The following RABGAP1 variants were observed in gnomAD, a reference collection of about 807,000 sequenced individuals.
RABGAP1 encodes the protein RAB GTPase activating protein 1.
A neutral mutation model predicts 137.6 loss-of-function variants in RABGAP1; 23 were observed. The ratio of observed to expected loss-of-function variants is 0.17; its 90% confidence interval spans 0.12 to 0.24. The LOEUF (loss-of-function observed/expected upper bound fraction) is 0.24. Among genes scored for constraint, RABGAP1 ranks in the 10% least tolerant of loss-of-function variants. The probability of loss-of-function intolerance (pLI) is 1.00; values close to 1 mark genes in which losing one functional copy is unlikely to be tolerated. For synonymous variants in RABGAP1, 451 were observed against 450.7 expected (o/e 1.00, Z -0.01); for missense variants, 906 against 1,275.8 (o/e 0.71, Z 4.42).
At chr9:122,936,968 G>A (rs74974056), upstream of RABGAP1, among the ~76,000 whole-genome samples, 789 of 152,166 alleles carry the variant, frequency 5.2e-3, 4 homozygotes, top group African/African-American at 0.018. Context: ...GCAAACATGG[G>A]GGCAGGAGAA....
chr9:122,955,025 G>A (rs962131485), intron 1 of RABGAP1, among the ~76,000 whole-genome samples: 14 of 152,172 alleles, frequency 9.2e-5, no homozygotes, highest in African/African-American at 3.1e-4. Context: ...ACAGTTCTTT[G>A]GATTCTGGGG....
In RABGAP1 at chr9:122,990,126, C is replaced by T; in HGVS notation, c.836C>T (p.Thr279Ile). Reference protein sequence around the residue: ...RSAKQTPLSATAAPQTPDSDI... With the variant: ...RSAKQTPLSAIAAPQTPDSDI... ...GCCAAGCAGACCCCACTTTCAGCCA[C>T]TGCTGCACCCCAGACTCCTGACAGT... The change falls in exon 6 of 26, where the codon ACT (threonine) becomes ATT (isoleucine). Residue 279 changes from threonine (T) to isoleucine (I), a missense_variant. Transcript: ENST00000373647. The T allele has an allele frequency of 1.2e-6, 2 of 1,610,888 alleles. No homozygotes were observed. Among genetic ancestry groups the T allele is most frequent in the Non-Finnish European group, 1.7e-6 (2 of 1,177,106 alleles).
chr9:122,955,887 A>G (rs939510422), intron 1 of RABGAP1, among the ~76,000 whole-genome samples: 1 of 152,232 alleles, frequency 6.6e-6, no homozygotes, highest in African/African-American at 2.4e-5. Flanking sequence ...TCTTTGAGGT[A>G]CTAGATGAAC....
intron 13 of RABGAP1, among the ~76,000 whole-genome samples, chr9:123,022,648 G>T (rs894295552): frequency 2.6e-5 from 4 of 151,764 alleles, no homozygotes; most frequent in Non-Finnish European, 4.4e-5. Context: ...CTCATGATCC[G>T]CCCGCCTCGA....
In RABGAP1 at chr9:123,034,979, A is replaced by G. The variant is rs1162726916; in HGVS notation, c.1794+14520A>G. 1.2e-6 allele frequency: 2 copies of G among 1,613,672 alleles called. No individual in the cohort carries two copies. Among genetic ancestry groups the G allele is most frequent in the Admixed American group, 3.3e-5 (2 of 60,004 alleles). ...GCCATTACTAAACCTTTAACCTATAATACTCTGGTTACACCCTGGAGACTA... is the reference window on the plus strand; with the variant it reads ...GCCATTACTAAACCTTTAACCTATAGTACTCTGGTTACACCCTGGAGACTA... On this transcript the variant is annotated intron_variant, in intron 13 of 25. Coordinates refer to ENST00000373647, the MANE Select transcript of RABGAP1 (RefSeq NM_012197.4).
chr9:123,077,902 T>G (rs530438925), intron 19 of RABGAP1, among the ~76,000 whole-genome samples: 7 of 152,102 alleles, frequency 4.6e-5, no homozygotes, highest in Non-Finnish European at 8.8e-5. Flanking sequence ...TTTTAACACA[T>G]AGAGAGGCTA....
rs917422824 is a variant in RABGAP1 at position 122,984,820 on chromosome 9, T to C, written c.385+101T>C. 2.7e-6 allele frequency: 3 copies of C among 1,111,310 alleles called. No homozygotes were observed. The African/African-American group carries it at 4.7e-5, about 17-fold the overall frequency. 68.8% of individuals were successfully genotyped at this position (1,111,310 alleles called of 1,614,324 possible). ...TTATTTAGAACAGGCAAAACCATTG[T>C]CTACAAAAACAGGCAAAAACATTCT... On this transcript the variant is annotated intron_variant, in intron 3 of 25. Coordinates refer to ENST00000373647, the MANE Select transcript of RABGAP1 (RefSeq NM_012197.4).
intron 13 of RABGAP1, among the ~76,000 whole-genome samples, chr9:123,031,406 A>G (rs1306378483): frequency 6.6e-6 from 1 of 152,214 alleles, no homozygotes; most frequent in East Asian, 1.9e-4. Context: ...TGGGGGAAGT[A>G]AAACAGTTGA....
chr9:122,973,268 C>G (rs1479237004), intron 2 of RABGAP1, among the ~76,000 whole-genome samples: 1 of 152,062 alleles, frequency 6.6e-6, no homozygotes, highest in Non-Finnish European at 1.5e-5. Flanking sequence ...GACGGAGTCT[C>G]GCTCTGCTGC....
chr9:122,972,458 G>A (rs2131689084), intron 2 of RABGAP1, among the ~76,000 whole-genome samples: 1 of 152,188 alleles, frequency 6.6e-6, no homozygotes, highest in East Asian at 1.9e-4. Flanking sequence ...CCATGTAGTC[G>A]CTCGTCTTAG....
intron 12 of RABGAP1, among the ~76,000 whole-genome samples, chr9:123,016,562 T>A (rs920925870): frequency 7.2e-5 from 11 of 151,738 alleles, no homozygotes; most frequent in Admixed American, 4.6e-4. Context: ...CCTTTAGGTA[T>A]TTAACATGAC....
At chr9:123,066,028 G>A (rs902970668) in intron 14 of RABGAP1, among the ~76,000 whole-genome samples, 6 of 152,152 alleles carry the variant, frequency 3.9e-5, no homozygotes, top group African/African-American at 9.7e-5. Context: ...AGATAGGAAC[G>A]GAGTTTTTCA....
At chr9:122,939,780 T>A (rs1588139215), upstream of RABGAP1, 1 of 152,324 alleles carries the variant, frequency 6.6e-6, no homozygotes, top group African/African-American at 2.4e-5. Flanking sequence ...GAAGCGAAAC[T>A]ATTTTTCTGC....
chr9:123,070,260 C>T lies in RABGAP1; in HGVS notation c.1909-90C>T. Reference sequence around the variant, plus strand: ...CTGTCCCAGTGTGGGTAGCATCCTCCAGGGTTCTGTATTCAAGGTCCTATA... The same window carrying T: ...CTGTCCCAGTGTGGGTAGCATCCTCTAGGGTTCTGTATTCAAGGTCCTATA... On this transcript the variant is annotated intron_variant, in intron 14 of 25. Transcript: ENST00000373647. This position sits in a 1 kb window ranked among gnomAD's most constrained non-coding sequence, Gnocchi z 4.4. The T allele has an allele frequency of 6.3e-7, 1 of 1,577,200 alleles. No individual in the cohort carries two copies. Among genetic ancestry groups the T allele is most frequent in the Non-Finnish European group, 8.6e-7 (1 of 1,162,426 alleles).
At chr9:123,021,291 T>A (rs2077103) in intron 13 of RABGAP1, among the ~76,000 whole-genome samples, 1 of 141,848 alleles carries the variant, frequency 7.0e-6, no homozygotes, top group East Asian at 2.0e-4. Context: ...AAAGCTGTTA[T>A]TTAAAAAAAA....
At chr9:122,956,906 G>A (rs1834556853) in intron 1 of RABGAP1, 105 bp from the exon 2 acceptor site, 3 of 512,944 alleles carry the variant, frequency 5.8e-6, no homozygotes, top group Admixed American at 4.4e-5. Flanking sequence ...AAATATTTTT[G>A]AAGCATTTAA....
At chr9:123,099,815 T>A (rs1046627348) in intron 24 of RABGAP1, among the ~76,000 whole-genome samples, 2 of 152,238 alleles carry the variant, frequency 1.3e-5, no homozygotes, top group African/African-American at 4.8e-5. Flanking sequence ...AGGCAGTCGA[T>A]GTCCGCAGTG....
rs75338323 is a variant in RABGAP1 at position 122,963,935 on chromosome 9, C to T, written c.150+6726C>T. On this transcript the variant is annotated intron_variant, in intron 2 of 25. Coordinates refer to ENST00000373647, the MANE Select transcript of RABGAP1 (RefSeq NM_012197.4). ...AAAGGGAATAATACTGCTGATAATA[C>T]GTAGAATTATGAAGGAATACTAGAG... is the stretch of plus-strand genomic sequence containing the variant. Among the ~76,000 whole-genome samples the T allele has an allele frequency of 5.5e-3, 835 of 152,146 alleles. 8 individuals carry two copies. Among genetic ancestry groups the T allele is most frequent in the African/African-American group, 0.019 (790 of 41,516 alleles).
chr9:122,964,841 TTTTTAATTAGCTGAATGTG>T (rs1297726861), intron 2 of RABGAP1, among the ~76,000 whole-genome samples: 1 of 152,038 alleles, frequency 6.6e-6, no homozygotes, highest in Non-Finnish European at 1.5e-5. Context: ...AAAAAAATTT[TTTTTAATTAGCTGAATGTG>T]GTGGCATGCT....
Sources: gnomAD v4.1 joint callset for allele counts (sites outside exome capture counted in the v4.1 genomes callset) on GRCh38, gnomAD v4.1.1 for gene constraint, Gnocchi (gnomAD v3.1) non-coding constraint, MANE v1.5 for transcripts, NCBI Gene and HGNC (gene_info 2026-07-23, HGNC 2026-07-21) for gene names.